The following WASF3 variants were observed in gnomAD, a reference collection of about 807,000 sequenced individuals.
WASF3 encodes the protein actin-binding protein WASF3.
A neutral mutation model predicts 46.6 loss-of-function variants in WASF3; 11 were observed. The observed-to-expected ratio is 0.24, with a 90% CI of 0.15 to 0.39. The LOEUF is 0.39. Ranked by LOEUF, WASF3 falls within the 10% of genes least tolerant of loss-of-function variation. WASF3 has a pLI of 1.00. For missense variants in WASF3, 576 were observed against 669.8 expected (o/e 0.86, Z 1.55); for synonymous variants, 242 against 259.7 (o/e 0.93, Z 0.65).
At chr13:26,673,945 T>G (rs148826058) in intron 6 of WASF3, among the ~76,000 whole-genome samples, 1 of 151,620 alleles carries the variant, frequency 6.6e-6, no homozygotes, top group African/African-American at 2.4e-5. Flanking sequence ...AGCTCAACAG[T>G]GGGAAGGTGC....
At position 26,644,491 on chromosome 13, in the gene WASF3, A is replaced by G. The variant is rs1409866099; in HGVS notation, c.133+2088A>G. 2.6e-5 allele frequency among the ~76,000 whole-genome samples: 4 copies of G among 152,132 alleles called. No individual in the cohort carries two copies. The South Asian group carries it at 6.2e-4, about 24-fold the overall frequency. The stretch of plus-strand genomic sequence containing the variant: ...AGTTACGCTACTGCAGTGCATCTCA[A>G]CCTGGCTTCTCTATCAGAGTCACTT... On this transcript the variant is annotated intron_variant, in intron 3 of 9. Coordinates refer to ENST00000335327, the MANE Select transcript of WASF3 (RefSeq NM_006646.6).
intron 1 of WASF3, among the ~76,000 whole-genome samples, chr13:26,584,989 A>G (rs1367195815): frequency 6.6e-6 from 1 of 152,196 alleles, no homozygotes; most frequent in Non-Finnish European, 1.5e-5. Flanking sequence ...ATCATCTGGA[A>G]GGAAAATAGT....
In WASF3 at chr13:26,682,591, C is replaced by G. The variant is rs9507763; in HGVS notation, c.984-16C>G. The stretch of plus-strand genomic sequence containing the variant: ...TCTTGTTCCCTTGGTGACTATGTGC[C>G]TCATATCTCTCTCAGGATGCTCCCA... On this transcript the variant is annotated splice_polypyrimidine_tract_variant and intron_variant, in intron 8 of 9. Transcript: ENST00000335327. The surrounding 1 kb of genome is among the most constrained non-coding windows in gnomAD (Gnocchi z 4.4). 478,881 of 1,613,350 alleles carry G rather than the reference C, an allele frequency of 0.3. 73,444 individuals are homozygous for G. The highest frequency in any genetic ancestry group is 0.39 in the South Asian group (35,311 of 91,054).
At chr13:26,561,401 G>A (rs139855143) in intron 1 of WASF3, among the ~76,000 whole-genome samples, 59 of 152,152 alleles carry the variant, frequency 3.9e-4, no homozygotes, top group African/African-American at 1.4e-3. Context: ...GGGTGGTTGG[G>A]TGATGGCACT....
the WASF3 span, among the ~76,000 whole-genome samples, chr13:26,541,924 G>A: frequency 3.3e-5 from 5 of 152,146 alleles, no homozygotes; most frequent in Non-Finnish European, 7.3e-5. Context: ...AGCCCTGAAT[G>A]TACCCGGCCT....
chr13:26,564,006 CT>C (rs1338697693), intron 1 of WASF3, among the ~76,000 whole-genome samples: 1 of 152,058 alleles, frequency 6.6e-6, no homozygotes, highest in Non-Finnish European at 1.5e-5. Context: ...CTAAAGATAT[CT>C]TCTGTTGTGT....
chr13:26,661,402 G>A (rs760188375), intron 3 of WASF3, among the ~76,000 whole-genome samples: 1 of 152,148 alleles, frequency 6.6e-6, no homozygotes. Context: ...ATTTTGCTTA[G>A]CCTAATGTCA....
At chr13:26,591,260 C>T (rs970662996) in intron 1 of WASF3, among the ~76,000 whole-genome samples, 1 of 152,098 alleles carries the variant, frequency 6.6e-6, no homozygotes, top group African/African-American at 2.4e-5. Flanking sequence ...ACTGTGTGTG[C>T]TGAACGGCCA....
intron 5 of WASF3, among the ~76,000 whole-genome samples, chr13:26,668,249 T>C (rs1882829730): frequency 6.7e-6 from 1 of 149,004 alleles, no homozygotes; most frequent in Admixed American, 6.6e-5. Context: ...ATGAAGAGAC[T>C]AACTAAAAAT....
At chr13:26,666,973 GTGTA>G (rs1280529086) in intron 4 of WASF3, among the ~76,000 whole-genome samples, 1 of 151,448 alleles carries the variant, frequency 6.6e-6, no homozygotes, top group Admixed American at 6.6e-5. Context: ...TGAATCCTTA[GTGTA>G]ATTTTGTATC....
intron 5 of WASF3, among the ~76,000 whole-genome samples, chr13:26,667,984 ATGT>A (rs1340903877): frequency 6.6e-6 from 1 of 152,290 alleles, no homozygotes; most frequent in South Asian, 2.1e-4. Flanking sequence ...GTGTGTGGTT[ATGT>A]TGTTGTTTTT....
At chr13:26,631,610 C>T (rs1261783253) in intron 2 of WASF3, among the ~76,000 whole-genome samples, 1 of 152,150 alleles carries the variant, frequency 6.6e-6, no homozygotes, top group Non-Finnish European at 1.5e-5. Flanking sequence ...TAGCGTGATG[C>T]CTCCAGCTTT....
the WASF3 span, among the ~76,000 whole-genome samples, chr13:26,543,246 A>G: frequency 1.3e-5 from 2 of 152,148 alleles, no homozygotes; most frequent in African/African-American, 4.8e-5. Context: ...GGCTCTCAGG[A>G]CTTCCTCTGC....
intron 1 of WASF3, among the ~76,000 whole-genome samples, chr13:26,570,384 G>A (rs779140120): frequency 6.6e-6 from 1 of 152,172 alleles, no homozygotes; most frequent in Non-Finnish European, 1.5e-5. Context: ...TACAAAAACC[G>A]TAGTTTCAGA....
intron 3 of WASF3, among the ~76,000 whole-genome samples, 165 bp from the exon 4 acceptor site, chr13:26,664,863 A>G (rs1593178245): frequency 6.6e-6 from 1 of 152,238 alleles, no homozygotes; most frequent in Non-Finnish European, 1.5e-5. Flanking sequence ...GAGTATCTCT[A>G]ATAAACTTCA....
At chr13:26,594,380 T>G (rs1196369195) in intron 1 of WASF3, among the ~76,000 whole-genome samples, 1 of 152,216 alleles carries the variant, frequency 6.6e-6, no homozygotes, top group African/African-American at 2.4e-5. Context: ...GCTGTTCTGT[T>G]CCCTTTTGAG....
chr13:26,685,473 C>T (rs886767257), intron 9 of WASF3, among the ~76,000 whole-genome samples: 1 of 152,214 alleles, frequency 6.6e-6, no homozygotes, highest in African/African-American at 2.4e-5. Context: ...AATATTTTAA[C>T]ACATTACTTT....
intron 1 of WASF3, among the ~76,000 whole-genome samples, chr13:26,588,682 A>C (rs1009379367): frequency 9.9e-5 from 15 of 152,208 alleles, no homozygotes; most frequent in African/African-American, 3.6e-4. Context: ...AAAGTGTCAG[A>C]GAGTACCTGT....
chr13:26,627,583 T>C (rs970132198), intron 2 of WASF3, among the ~76,000 whole-genome samples: 4 of 152,112 alleles, frequency 2.6e-5, no homozygotes, highest in African/African-American at 9.7e-5. Context: ...ACGTGAAATG[T>C]GGTAGGTGTT....
Sources: gnomAD v4.1 joint callset for allele counts (sites outside exome capture counted in the v4.1 genomes callset) on GRCh38, gnomAD v4.1.1 for gene constraint, Gnocchi (gnomAD v3.1) non-coding constraint, MANE v1.5 for transcripts, NCBI Gene and HGNC (gene_info 2026-07-23, HGNC 2026-07-21) for gene names.